WDR7: variants seen among roughly 807,000 people sequenced by gnomAD.
WDR7 encodes WD repeat-containing protein 7.
In WDR7, 46 loss-of-function variants were observed where a neutral mutation model predicts 169.4. The ratio of observed to expected loss-of-function variants is 0.27; its 90% CI spans 0.21 to 0.35. The LOEUF (loss-of-function observed/expected upper bound fraction) is 0.35. Ranked by LOEUF, WDR7 falls within the 10% of genes least tolerant of loss-of-function variation. WDR7 has a pLI of 1.00. For synonymous variants in WDR7, 612 were observed against 666.8 expected (o/e 0.92, Z 1.27); for missense variants, 1,534 against 1,859.3 (o/e 0.83, Z 3.22).
intron 14 of WDR7, among the ~76,000 whole-genome samples, chr18:56,735,781 G>T (rs1187097696): frequency 1.3e-5 from 2 of 152,148 alleles, no homozygotes; most frequent in Non-Finnish European, 2.9e-5. Flanking sequence ...GTGAAAGCAG[G>T]CATAGACAAT....
Position 56,672,571 on chromosome 18 carries a change from C to G in WDR7, c.56C>G (p.Thr19Arg), listed in dbSNP as rs779288126. 1 of 1,612,950 alleles carries G rather than the reference C, an allele frequency of 6.2e-7. No homozygotes were observed. The highest frequency in any genetic ancestry group is 1.1e-5 in the South Asian group (1 of 90,944). The change falls in exon 2 of 28, where the codon ACA becomes AGA. Residue 19 changes from threonine (T) to arginine (R), a missense_variant. Thr to Arg is a moderately conservative substitution (Grantham distance 71, BLOSUM62 -1). Coordinates refer to ENST00000254442, the MANE Select transcript of WDR7 (RefSeq NM_015285.3). Reference sequence around the variant, plus strand: ...GTTCTTTGGGGTCGAAAAGCGCCCACACATTGCATCTCAGCCGTACTTTTA... The same window carrying G: ...GTTCTTTGGGGTCGAAAAGCGCCCAGACATTGCATCTCAGCCGTACTTTTA... ...PIVLWGRKAP[T>R]HCISAVLLTD...
chr18:56,767,103 C>G (rs1035727933), intron 16 of WDR7, among the ~76,000 whole-genome samples: 1 of 152,130 alleles, frequency 6.6e-6, no homozygotes, highest in Non-Finnish European at 1.5e-5. Context: ...TGGAGCAGTG[C>G]TCTAAGATGA....
chr18:56,834,510 C>T (rs771255155), intron 20 of WDR7, among the ~76,000 whole-genome samples: 6 of 151,880 alleles, frequency 4.0e-5, no homozygotes, highest in Non-Finnish European at 8.8e-5. Flanking sequence ...TCCTTGTCTT[C>T]TCTTTGTCCT....
chr18:56,931,755 A>C (rs1023564084), intron 22 of WDR7, among the ~76,000 whole-genome samples: 3 of 152,220 alleles, frequency 2.0e-5, no homozygotes, highest in Non-Finnish European at 4.4e-5. Context: ...GTGGGAAGAC[A>C]AGAATTGAAC....
At chr18:56,884,683 C>T (rs1255516204) in intron 21 of WDR7, among the ~76,000 whole-genome samples, 1 of 152,138 alleles carries the variant, frequency 6.6e-6, no homozygotes, top group Non-Finnish European at 1.5e-5. Flanking sequence ...TAACCCTGCC[C>T]CAACCTGATG....
intron 19 of WDR7, among the ~76,000 whole-genome samples, chr18:56,782,761 C>G (rs2044338694): frequency 6.6e-6 from 1 of 152,084 alleles, no homozygotes; most frequent in Non-Finnish European, 1.5e-5. Context: ...ACTTTTATAT[C>G]TGGTTTAAAC....
At chr18:56,929,037 C>T (rs2046844557) in intron 22 of WDR7, among the ~76,000 whole-genome samples, 1 of 152,160 alleles carries the variant, frequency 6.6e-6, no homozygotes, top group African/African-American at 2.4e-5. Context: ...GTAATCCCAG[C>T]ACTCTGGGAG....
At chr18:56,959,980 C>T (rs145516422) in intron 25 of WDR7, among the ~76,000 whole-genome samples, 1 of 152,110 alleles carries the variant, frequency 6.6e-6, no homozygotes, top group East Asian at 1.9e-4. Context: ...GAAGTGACTG[C>T]GTACATACCA....
At chr18:56,719,561 CAA>C (rs58285674) in intron 13 of WDR7, among the ~76,000 whole-genome samples, 62 of 106,174 alleles carry the variant, frequency 5.8e-4, no homozygotes, top group Non-Finnish European at 5.5e-4. Flanking sequence ...GACTCTGTCT[CAA>C]AAAAAAAAAA....
chr18:56,761,840 G>A (rs2043985323), intron 16 of WDR7, among the ~76,000 whole-genome samples: 1 of 151,826 alleles, frequency 6.6e-6, no homozygotes, highest in South Asian at 2.1e-4. Context: ...TACTAATATT[G>A]TATCAAGCAA....
chr18:56,774,206 G>T (rs539516989), intron 16 of WDR7, among the ~76,000 whole-genome samples: 37 of 152,124 alleles, frequency 2.4e-4, no homozygotes, highest in Non-Finnish European at 4.6e-4. Flanking sequence ...GAGTAGTTTA[G>T]AATCAAATTT....
At chr18:56,767,260 T>C (rs549933349) in intron 16 of WDR7, among the ~76,000 whole-genome samples, 1 of 152,330 alleles carries the variant, frequency 6.6e-6, no homozygotes, top group African/African-American at 2.4e-5. Context: ...TTTACAGACA[T>C]GTACTGATTG....
chr18:56,919,602 A>G (rs1465027747), intron 21 of WDR7, among the ~76,000 whole-genome samples: 2 of 152,222 alleles, frequency 1.3e-5, no homozygotes, highest in East Asian at 3.8e-4. Context: ...TGGTAGTGTC[A>G]TGAATACAGC....
intron 25 of WDR7, among the ~76,000 whole-genome samples, chr18:56,942,588 T>A (rs1457887657): frequency 1.3e-5 from 2 of 152,048 alleles, no homozygotes; most frequent in Non-Finnish European, 2.9e-5. Context: ...ATTTCAGTGT[T>A]TAACATTGGA....
chr18:56,669,766 A>G (rs1202570387), intron 1 of WDR7, among the ~76,000 whole-genome samples: 3 of 152,096 alleles, frequency 2.0e-5, no homozygotes, highest in Admixed American at 6.6e-5. Context: ...GGCACTTTCC[A>G]TAAAAATATA....
chr18:56,758,829 C>G (rs1009521217), intron 15 of WDR7, 36 bp from the exon 16 acceptor site: 6 of 1,509,548 alleles, frequency 4.0e-6, no homozygotes, highest in Non-Finnish European at 5.4e-6. Context: ...ATGACAGTAT[C>G]AAAATATATC....
At position 56,950,258 on chromosome 18, in the gene WDR7, T is replaced by C. The variant is rs547088493; in HGVS notation, c.4064+10865T>C. On this transcript the variant is annotated intron_variant, in intron 25 of 27. Coordinates refer to ENST00000254442, the MANE Select transcript of WDR7 (RefSeq NM_015285.3). Reference sequence around the variant, plus strand: ...TGAAATTTAATTGATTAATAACTTTTTCATCATGGATATTCTGAAGTGAAA... The same window carrying C: ...TGAAATTTAATTGATTAATAACTTTCTCATCATGGATATTCTGAAGTGAAA... 2.4e-4 allele frequency among the ~76,000 whole-genome samples: 36 copies of C among 152,318 alleles called. 1 individual carries two copies. The South Asian group carries it at 5.0e-3, about 21-fold the overall frequency.
rs573660458 is a variant in WDR7 at position 56,985,729 on chromosome 18, A to G, written c.4164+23200A>G. Reference sequence around the variant, plus strand: ...TTATTAATTTTTAATTATTTCTGATATATTTCCTAATCCACAATTAGCATT... The same window carrying G: ...TTATTAATTTTTAATTATTTCTGATGTATTTCCTAATCCACAATTAGCATT... On this transcript the variant is annotated intron_variant, in intron 26 of 27. Coordinates refer to ENST00000254442, the MANE Select transcript of WDR7 (RefSeq NM_015285.3). Among the ~76,000 whole-genome samples, 11 of 152,132 alleles carry G rather than the reference A, an allele frequency of 7.2e-5. No individual in the cohort carries two copies. In the South Asian group the frequency reaches 2.3e-3, roughly 32 times the overall value.
At chr18:56,991,793 T>C (rs143408721) in intron 26 of WDR7, among the ~76,000 whole-genome samples, 96 of 152,382 alleles carry the variant, frequency 6.3e-4, no homozygotes, top group African/African-American at 2.2e-3. Context: ...CTTTAAAATG[T>C]GATCCCAGCG....
Sources: allele counts gnomAD v4.1 joint callset (sites outside exome capture counted in the v4.1 genomes callset), GRCh38; gene constraint gnomAD v4.1.1; transcripts MANE v1.5; gene names NCBI Gene and HGNC (gene_info 2026-07-23, HGNC 2026-07-21).